The following BMP2K variants were observed in gnomAD, a reference collection of about 807,000 sequenced individuals.
The protein encoded by BMP2K is BMP-2-inducible protein kinase.
BMP2K carries 74 observed loss-of-function variants against 116.0 expected under a neutral mutation model. The ratio of observed to expected loss-of-function variants is 0.64; its 90% confidence interval spans 0.53 to 0.77. The LOEUF (loss-of-function observed/expected upper bound fraction) is 0.77. Among genes scored for constraint, BMP2K ranks in the 30% least tolerant of loss-of-function variants. The pLI is 0.00. For missense variants in BMP2K, 1,365 were observed against 1,403.6 expected, an observed-to-expected ratio of 0.97 and a Z score of 0.44; for synonymous variants, 486 against 502.5, an observed-to-expected ratio of 0.97 and a Z score of 0.44.
intron 1 of BMP2K, among the ~76,000 whole-genome samples, chr4:78,792,418 G>A (rs1259137003): frequency 2.0e-5 from 3 of 152,194 alleles, no homozygotes; most frequent in Admixed American, 6.5e-5. Flanking sequence ...ATAGAATATC[G>A]TCTTTACTGG....
chr4:78,882,816 A>G (rs114114005), intron 14 of BMP2K, among the ~76,000 whole-genome samples: 11 of 152,016 alleles, frequency 7.2e-5, no homozygotes, highest in African/African-American at 2.4e-4. Flanking sequence ...TGTTTCACCT[A>G]TGAAGCCACA....
At chr4:78,781,141 G>C (rs1007134348) in intron 1 of BMP2K, among the ~76,000 whole-genome samples, 2 of 152,204 alleles carry the variant, frequency 1.3e-5, no homozygotes, top group African/African-American at 4.8e-5. Flanking sequence ...CCGGGGCTTA[G>C]TATACCATGC....
intron 1 of BMP2K, among the ~76,000 whole-genome samples, chr4:78,807,777 A>G (rs1027110602): frequency 1.3e-5 from 2 of 151,084 alleles, no homozygotes; most frequent in African/African-American, 4.8e-5. Flanking sequence ...ATCCCCTTTT[A>G]TATCTAATTT....
chr4:78,803,312 C>T (rs551846346), intron 1 of BMP2K, among the ~76,000 whole-genome samples: 1 of 152,078 alleles, frequency 6.6e-6, no homozygotes, highest in Non-Finnish European at 1.5e-5. Flanking sequence ...ATAAAGCTCT[C>T]ACGTGTCTTC....
At chr4:78,782,090 G>T (rs181258633) in intron 1 of BMP2K, among the ~76,000 whole-genome samples, 5 of 152,166 alleles carry the variant, frequency 3.3e-5, no homozygotes, top group African/African-American at 7.2e-5. Flanking sequence ...TACTCTTTGC[G>T]CCTGGTGCAA....
intron 7 of BMP2K, among the ~76,000 whole-genome samples, chr4:78,852,564 G>A (rs1256268336): frequency 6.6e-6 from 1 of 152,010 alleles, no homozygotes; most frequent in Non-Finnish European, 1.5e-5. Context: ...ATAATGTAAT[G>A]TGTTTTAGAA....
At chr4:78,906,211 C>G (rs914741025) in intron 15 of BMP2K, 1 of 152,046 alleles carries the variant, frequency 6.6e-6, no homozygotes, top group Admixed American at 6.6e-5. Context: ...TTTCAGAGAG[C>G]CTCATTACTG....
intron 3 of BMP2K, among the ~76,000 whole-genome samples, chr4:78,835,364 G>T (rs774282936): frequency 1.3e-5 from 2 of 152,046 alleles, no homozygotes; most frequent in East Asian, 3.8e-4. Context: ...GGTGGCTCAC[G>T]CCTGTAATCT....
intron 9 of BMP2K, 26 bp downstream of exon 9, chr4:78,861,494 A>AG: frequency 6.5e-7 from 1 of 1,550,104 alleles, no homozygotes; most frequent in Non-Finnish European, 8.8e-7. Flanking sequence ...CTGAAATTGA[A>AG]AAGGCATTAA....
chr4:78,871,430 T>A (rs1732351133), intron 11 of BMP2K, among the ~76,000 whole-genome samples: 1 of 152,150 alleles, frequency 6.6e-6, no homozygotes, highest in African/African-American at 2.4e-5. Context: ...TGTCTTAGAT[T>A]TTTGTCACCC....
chr4:78,783,666 C>T (rs1346483088), intron 1 of BMP2K, among the ~76,000 whole-genome samples: 1 of 152,034 alleles, frequency 6.6e-6, no homozygotes, highest in African/African-American at 2.4e-5. Flanking sequence ...ATTAGCCGGG[C>T]ATAGTGGCAC....
chr4:78,818,633 T>C (rs1234067203), intron 1 of BMP2K, among the ~76,000 whole-genome samples: 3 of 152,206 alleles, frequency 2.0e-5, no homozygotes, highest in Non-Finnish European at 4.4e-5. Flanking sequence ...GTTTACACTT[T>C]TATCCACATA....
chr4:78,800,172 A>G (rs1728499406), intron 1 of BMP2K, among the ~76,000 whole-genome samples: 1 of 152,156 alleles, frequency 6.6e-6, no homozygotes, highest in East Asian at 1.9e-4. Flanking sequence ...TTTCTGGGCC[A>G]TGGTTTGGGT....
At chr4:78,845,141 T>C (rs766464434) in intron 5 of BMP2K, 92 bp downstream of exon 5, 6 of 1,088,344 alleles carry the variant, frequency 5.5e-6, no homozygotes, top group African/African-American at 1.6e-5. Flanking sequence ...TTTAGGTATT[T>C]CATTTATAGA....
chr4:78,789,152 G>A (rs1727884672), intron 1 of BMP2K, among the ~76,000 whole-genome samples: 1 of 151,914 alleles, frequency 6.6e-6, no homozygotes, highest in Non-Finnish European at 1.5e-5. Context: ...GAAAATGCTA[G>A]TGCTTCATTA....
At chr4:78,904,126 T>A (rs1734162765) in intron 15 of BMP2K, among the ~76,000 whole-genome samples, 1 of 151,944 alleles carries the variant, frequency 6.6e-6, no homozygotes, top group Non-Finnish European at 1.5e-5. Flanking sequence ...AGCCAAGGAC[T>A]GAGTTTTGAG....
At chr4:78,836,475 T>C (rs1395400653) in intron 3 of BMP2K, among the ~76,000 whole-genome samples, 1 of 152,174 alleles carries the variant, frequency 6.6e-6, no homozygotes, top group Non-Finnish European at 1.5e-5. Context: ...TAATATTTGT[T>C]TTGATTTCAT....
chr4:78,818,510 A>T (rs1729465751), intron 1 of BMP2K, among the ~76,000 whole-genome samples: 1 of 152,154 alleles, frequency 6.6e-6, no homozygotes, highest in African/African-American at 2.4e-5. Context: ...TTCTTAAATG[A>T]TGTTGGAAAA....
intron 3 of BMP2K, among the ~76,000 whole-genome samples, chr4:78,839,125 A>G (rs953346482): frequency 6.6e-6 from 1 of 152,200 alleles, no homozygotes; most frequent in Admixed American, 6.5e-5. Flanking sequence ...GTTTATTATC[A>G]CCTGTGTATC....
Sources: gnomAD v4.1 joint callset for allele counts (sites outside exome capture counted in the v4.1 genomes callset) on GRCh38, gnomAD v4.1.1 for gene constraint, MANE v1.5 for transcripts, NCBI Gene and HGNC (gene_info 2026-07-23, HGNC 2026-07-21) for gene names.